The following PTPRN2 variants were observed in gnomAD, a reference collection of about 807,000 sequenced individuals.
PTPRN2 encodes the protein protein tyrosine phosphatase receptor type N2.
A neutral mutation model predicts 118.8 loss-of-function variants in PTPRN2; 74 were observed. That is an observed-to-expected ratio of 0.62 (90% CI 0.52 to 0.76). PTPRN2 has a LOEUF of 0.76. Among genes scored for constraint, PTPRN2 ranks in the 30% least tolerant of loss-of-function variants. The pLI is 0.00. For missense variants in PTPRN2, 1,481 were observed against 1,394.4 expected (o/e 1.06, Z -0.99); for synonymous variants, 641 against 608.0 (o/e 1.05, Z -0.80).
chr7:158,303,326 C>T lies in PTPRN2; in HGVS notation c.277+13493G>A, dbSNP rs746950224. On this transcript the variant is annotated intron_variant, in intron 3 of 22. Coordinates refer to ENST00000389418, the MANE Select transcript of PTPRN2 (RefSeq NM_002847.5). ...CACCAGCCGAAGGACCCCAGGAACA[C>T]CCTGTAATCCCTCTGTGATTCCGTC... Among the ~76,000 whole-genome samples, 90 of 152,284 alleles carry T rather than the reference C, an allele frequency of 5.9e-4. 1 individual carries two copies. The highest frequency in any genetic ancestry group is 1.1e-3 in the Non-Finnish European group (75 of 68,016).
chr7:157,876,063 C>A (rs1288191632), intron 12 of PTPRN2, among the ~76,000 whole-genome samples: 2 of 152,234 alleles, frequency 1.3e-5, no homozygotes, highest in Non-Finnish European at 2.9e-5. Context: ...CTGTCTCCAT[C>A]TGGGGCAGCA....
At chr7:158,021,711 C>T (rs1007426551) in intron 11 of PTPRN2, among the ~76,000 whole-genome samples, 4 of 152,142 alleles carry the variant, frequency 2.6e-5, no homozygotes, top group Non-Finnish European at 5.9e-5. Context: ...GGAGGAGCAG[C>T]CCTGCCCCAC....
intron 9 of PTPRN2, among the ~76,000 whole-genome samples, chr7:158,132,728 A>C (rs1818466955): frequency 6.6e-6 from 1 of 151,048 alleles, no homozygotes; most frequent in African/African-American, 2.4e-5. Context: ...ACAGATACAC[A>C]TTTACCCAAC....
At position 157,585,423 on chromosome 7, in the gene PTPRN2, G is replaced by A. The variant is rs755598621; in HGVS notation, c.2497-7283C>T. On this transcript the variant is annotated intron_variant, in intron 17 of 22. Transcript: ENST00000389418. This position sits in a 1 kb window ranked among gnomAD's most constrained non-coding sequence, Gnocchi z 5.2. ...GCCTGCTTGTGTGCAAGCAGACCCCGTGTGGCTTGGTGTGGCCATCCTGCC... is the reference window on the plus strand; with the variant it reads ...GCCTGCTTGTGTGCAAGCAGACCCCATGTGGCTTGGTGTGGCCATCCTGCC... Among the ~76,000 whole-genome samples, 3 of 152,182 alleles carry A rather than the reference G, an allele frequency of 2.0e-5. No individual in the cohort carries two copies. The highest frequency in any genetic ancestry group is 3.9e-4 in the East Asian group (2 of 5,190).
At chr7:158,460,301 T>C (rs1818883776) in intron 2 of PTPRN2, among the ~76,000 whole-genome samples, 1 of 147,582 alleles carries the variant, frequency 6.8e-6, no homozygotes, top group African/African-American at 2.5e-5. Context: ...ATCTACAAGT[T>C]CCTGCTACAG....
chr7:158,126,958 G>A (rs568430855), intron 9 of PTPRN2, among the ~76,000 whole-genome samples: 20 of 152,288 alleles, frequency 1.3e-4, no homozygotes, highest in African/African-American at 4.1e-4. Context: ...AGGTGAGCAC[G>A]CAGCAGCCCC....
chr7:157,973,269 G>T (rs991146527), intron 11 of PTPRN2, among the ~76,000 whole-genome samples: 1 of 152,132 alleles, frequency 6.6e-6, no homozygotes, highest in African/African-American at 2.4e-5. Context: ...TTTAGTTCAT[G>T]GGCTGATAGG....
At chr7:158,035,894 AAAC>A (rs1425199755) in intron 11 of PTPRN2, among the ~76,000 whole-genome samples, 1 of 152,222 alleles carries the variant, frequency 6.6e-6, no homozygotes, top group African/African-American at 2.4e-5. Flanking sequence ...ACCACGTAGA[AAAC>A]AATCTGTAAT....
rs986484759 is a variant in PTPRN2 at position 157,808,220 on chromosome 7, T to C, written c.1788+90453A>G. 1.4e-5 allele frequency among the ~76,000 whole-genome samples: 2 copies of C among 147,006 alleles called. No homozygotes were observed. The highest frequency in any genetic ancestry group is 5.2e-5 in the African/African-American group (2 of 38,458). The stretch of plus-strand genomic sequence containing the variant: ...GAGCTGTTGAGTGGCCGGTGAGTGG[T>C]GGGTGAGTGAGCAGGTGAGTGGCAG... On this transcript the variant is annotated intron_variant, in intron 12 of 22. Transcript: ENST00000389418. This position sits in a 1 kb window ranked among gnomAD's most constrained non-coding sequence, Gnocchi z 5.0.
At chr7:158,134,438 A>G (rs1241106017) in intron 8 of PTPRN2, among the ~76,000 whole-genome samples, 2 of 151,984 alleles carry the variant, frequency 1.3e-5, no homozygotes, top group Non-Finnish European at 2.9e-5. Context: ...GAAGCAATGA[A>G]CACTAAATAA....
chr7:158,377,652 A>C (rs1426698888), intron 2 of PTPRN2, among the ~76,000 whole-genome samples: 1 of 152,180 alleles, frequency 6.6e-6, no homozygotes, highest in Non-Finnish European at 1.5e-5. Context: ...GAGGAATGAA[A>C]ATGGAGTTCA....
intron 12 of PTPRN2, among the ~76,000 whole-genome samples, chr7:157,776,251 C>T (rs1333513725): frequency 1.6e-5 from 1 of 63,592 alleles, no homozygotes; most frequent in African/African-American, 6.1e-5. Context: ...CCTCCTCTCC[C>T]TCTCCTCCTC....
intron 12 of PTPRN2, among the ~76,000 whole-genome samples, chr7:157,765,867 A>ATCCT (rs1489798632): frequency 7.2e-6 from 1 of 137,978 alleles, no homozygotes; most frequent in Non-Finnish European, 1.5e-5. Context: ...CCATCCATCC[A>ATCCT]TCCATCATTA....
chr7:157,555,486 C>T (rs1049337457), intron 21 of PTPRN2, among the ~76,000 whole-genome samples: 1 of 152,206 alleles, frequency 6.6e-6, no homozygotes, highest in Non-Finnish European at 1.5e-5. Context: ...TGATTCAGCT[C>T]ATGGCCCTAG....
chr7:157,950,106 T>A (rs1399667795), intron 11 of PTPRN2, among the ~76,000 whole-genome samples: 2 of 152,244 alleles, frequency 1.3e-5, no homozygotes, highest in African/African-American at 4.8e-5. Flanking sequence ...GTTTGTGTTA[T>A]GACAGATTAA....
At chr7:158,153,047 C>T (rs996539628) in intron 6 of PTPRN2, among the ~76,000 whole-genome samples, 6 of 151,980 alleles carry the variant, frequency 3.9e-5, no homozygotes, top group African/African-American at 1.4e-4. Context: ...AGCAGACCGA[C>T]AGACACCAGC....
intron 11 of PTPRN2, among the ~76,000 whole-genome samples, chr7:157,995,372 G>A (rs1202128866): frequency 6.6e-6 from 1 of 152,166 alleles, no homozygotes; most frequent in Non-Finnish European, 1.5e-5. Context: ...TCAACACTGT[G>A]TCCCCAGCTT....
intron 2 of PTPRN2, among the ~76,000 whole-genome samples, chr7:158,418,151 G>A (rs1814892190): frequency 6.6e-6 from 1 of 150,580 alleles, no homozygotes; most frequent in Non-Finnish European, 1.5e-5. Flanking sequence ...GCTGTGTTAA[G>A]TCATGGTGTA....
At chr7:158,132,525 C>T (rs1212323242) in intron 9 of PTPRN2, among the ~76,000 whole-genome samples, 2 of 145,442 alleles carry the variant, frequency 1.4e-5, no homozygotes, top group Non-Finnish European at 3.0e-5. Flanking sequence ...ATTTACCCAA[C>T]GTACACTCAT....
Sources: gnomAD v4.1 joint callset for allele counts (sites outside exome capture counted in the v4.1 genomes callset) on GRCh38, gnomAD v4.1.1 for gene constraint, Gnocchi (gnomAD v3.1) non-coding constraint, MANE v1.5 for transcripts, NCBI Gene and HGNC (gene_info 2026-07-23, HGNC 2026-07-21) for gene names.